The following MDGA2 variants were observed in gnomAD, a reference collection of about 807,000 sequenced individuals.
The protein encoded by MDGA2 is MAM domain-containing glycosylphosphatidylinositol anchor protein 2.
MDGA2 carries 40 observed loss-of-function variants against 117.8 expected under a neutral mutation model. That is an observed-to-expected ratio of 0.34 (90% CI 0.26 to 0.44). MDGA2 has a LOEUF of 0.44. MDGA2 is among the 20% of genes least tolerant of loss of function. MDGA2 has a pLI of 1.00. For synonymous variants in MDGA2, 452 were observed against 439.0 expected (o/e 1.03, Z -0.37); for missense variants, 1,123 against 1,250.6 (o/e 0.90, Z 1.54).
chr14:47,651,256 C>T (rs1347815662), intron 1 of MDGA2, among the ~76,000 whole-genome samples: 1 of 128,096 alleles, frequency 7.8e-6, no homozygotes, highest in South Asian at 2.7e-4. Context: ...GTGTGTATAC[C>T]CATAAATACC....
At chr14:47,496,111 C>T (rs1894276453) in intron 1 of MDGA2, among the ~76,000 whole-genome samples, 1 of 151,756 alleles carries the variant, frequency 6.6e-6, no homozygotes, top group Non-Finnish European at 1.5e-5. Context: ...TAATTATTTG[C>T]TTGTCATATT....
intron 1 of MDGA2, among the ~76,000 whole-genome samples, chr14:47,637,458 G>T (rs750252758): frequency 7.2e-5 from 11 of 152,188 alleles, no homozygotes; most frequent in Non-Finnish European, 1.3e-4. Flanking sequence ...AGTTCCTCCT[G>T]AGATAATACA....
At chr14:46,873,694 A>G in intron 13 of MDGA2, 103 bp from the exon 14 acceptor site, 1 of 1,068,688 alleles carries the variant, frequency 9.4e-7, no homozygotes, top group South Asian at 1.9e-5. Flanking sequence ...ATAAAGATGG[A>G]TAGGAAGATT....
At chr14:47,540,540 G>GTGTGTGTGTGTGTGTGTA in intron 1 of MDGA2, among the ~76,000 whole-genome samples, 4 of 79,188 alleles carry the variant, frequency 5.1e-5, no homozygotes, top group South Asian at 6.3e-4. Context: ...GTGTGTGTGT[G>GTGTGTGTGTGTGTGTGTA]TATATATATA....
At chr14:46,933,604 A>G (rs796388734) in intron 9 of MDGA2, among the ~76,000 whole-genome samples, 169 of 151,620 alleles carry the variant, frequency 1.1e-3, no homozygotes, top group African/African-American at 3.9e-3. Flanking sequence ...GAAGATTTCC[A>G]TAAGTTAATT....
At chr14:47,131,189 G>A (rs754371028) in intron 5 of MDGA2, among the ~76,000 whole-genome samples, 20 of 151,692 alleles carry the variant, frequency 1.3e-4, no homozygotes, top group South Asian at 2.1e-4. Flanking sequence ...TATGTTTACC[G>A]TTATTCTGGG....
intron 14 of MDGA2, among the ~76,000 whole-genome samples, chr14:46,857,234 G>A (rs1881303976): frequency 6.6e-6 from 1 of 152,158 alleles, no homozygotes; most frequent in African/African-American, 2.4e-5. Flanking sequence ...ATTTCTACCT[G>A]TAGATATGAG....
At chr14:46,926,043 C>A (rs1461672949) in intron 9 of MDGA2, among the ~76,000 whole-genome samples, 1 of 152,116 alleles carries the variant, frequency 6.6e-6, no homozygotes, top group Admixed American at 6.6e-5. Flanking sequence ...CTATGGCTGA[C>A]GTAATCCATG....
intron 9 of MDGA2, among the ~76,000 whole-genome samples, chr14:46,946,713 G>A (rs1222922635): frequency 1.3e-5 from 2 of 152,050 alleles, no homozygotes; most frequent in Non-Finnish European, 2.9e-5. Flanking sequence ...AAAAGAAAGA[G>A]CTAGTCATAC....
intron 1 of MDGA2, among the ~76,000 whole-genome samples, chr14:47,356,196 G>C (rs1162449421): frequency 2.0e-5 from 3 of 152,164 alleles, no homozygotes; most frequent in Non-Finnish European, 4.4e-5. Flanking sequence ...TTGTGAACCT[G>C]TCAGAGATAT....
intron 5 of MDGA2, among the ~76,000 whole-genome samples, chr14:47,118,277 A>T (rs1329247427): frequency 2.6e-5 from 4 of 152,188 alleles, no homozygotes; most frequent in Non-Finnish European, 5.9e-5. Flanking sequence ...ATGATAAAGG[A>T]GGTATTTATT....
In MDGA2 at chr14:46,918,670, A is replaced by G. The variant is rs1174396298; in HGVS notation, c.2238+1342T>C. ...CTTAGAGAAGAATCCAGTAATTATC[A>G]AAGGCCAGGATGTTTTCACTAGGAA... On this transcript the variant is annotated intron_variant, in intron 10 of 16. Transcript: ENST00000399232. Among the ~76,000 whole-genome samples, 6 of 152,058 alleles carry G rather than the reference A, an allele frequency of 3.9e-5. No individual in the cohort carries two copies. The East Asian group carries it at 5.8e-4, about 15-fold the overall frequency.
chr14:47,138,870 C>T (rs534673500), intron 4 of MDGA2, among the ~76,000 whole-genome samples: 2 of 151,916 alleles, frequency 1.3e-5, no homozygotes, highest in African/African-American at 2.4e-5. Flanking sequence ...TATAATTATT[C>T]GTCTTAGAAA....
rs150312802 is a variant in MDGA2 at position 47,568,995 on chromosome 14, G to T, written c.280+105522C>A. 2.6e-5 allele frequency among the ~76,000 whole-genome samples: 4 copies of T among 151,272 alleles called. No individual in the cohort carries two copies. In the East Asian group the frequency reaches 7.8e-4, roughly 29 times the overall value. The stretch of plus-strand genomic sequence containing the variant: ...GAGTCTCAGTATGTTGCCCAGGCTG[G>T]TTTTGAACTTACTATCACATTTATT... On this transcript the variant is annotated intron_variant, in intron 1 of 16. Coordinates refer to ENST00000399232, the MANE Select transcript of MDGA2 (RefSeq NM_001113498.3).
intron 3 of MDGA2, chr14:47,200,548 T>TTTGA: frequency 1.7e-6 from 1 of 604,240 alleles, no homozygotes; most frequent in Non-Finnish European, 2.5e-6. Context: ...TTTTTTTTTT[T>TTTGA]TGAGGAGTTA....
intron 3 of MDGA2, among the ~76,000 whole-genome samples, chr14:47,175,432 A>G: frequency 6.7e-6 from 1 of 149,466 alleles, no homozygotes; most frequent in Non-Finnish European, 1.5e-5. Context: ...CCAGCAGCAC[A>G]TCAAAAAGCT....
chr14:47,325,290 C>G (rs1348057469), intron 1 of MDGA2, among the ~76,000 whole-genome samples: 1 of 152,078 alleles, frequency 6.6e-6, no homozygotes, highest in African/African-American at 2.4e-5. Flanking sequence ...ATCCATTTAT[C>G]CCATAGGAGA....
chr14:46,920,223 C>A, intron 9 of MDGA2, 63 bp from the exon 10 acceptor site: 1 of 1,432,188 alleles, frequency 7.0e-7, no homozygotes, highest in Non-Finnish European at 9.4e-7. Flanking sequence ...CATACTTATT[C>A]CCTTTGGCCC....
At chr14:47,284,676 A>G (rs1344177988) in intron 2 of MDGA2, among the ~76,000 whole-genome samples, 4 of 152,150 alleles carry the variant, frequency 2.6e-5, no homozygotes, top group Non-Finnish European at 2.9e-5. Context: ...ATGCAAACCC[A>G]TCTCTAATCT....
Sources: gnomAD v4.1 joint callset for allele counts (sites outside exome capture counted in the v4.1 genomes callset) on GRCh38, gnomAD v4.1.1 for gene constraint, MANE v1.5 for transcripts, NCBI Gene and HGNC (gene_info 2026-07-23, HGNC 2026-07-21) for gene names.